The following FRMPD4 variants were observed in gnomAD, a reference collection of about 807,000 sequenced individuals.
FRMPD4 encodes FERM and PDZ domain containing 4.
FRMPD4 carries 22 observed loss-of-function variants against 94.1 expected under a neutral mutation model. The ratio of observed to expected loss-of-function variants is 0.23; its 90% CI spans 0.17 to 0.33. The LOEUF (loss-of-function observed/expected upper bound fraction) is 0.33. Ranked by LOEUF, FRMPD4 falls within the 10% of genes least tolerant of loss-of-function variation. The pLI, the probability that FRMPD4 is intolerant of heterozygous loss-of-function variation, is 1.00. For synonymous variants in FRMPD4, 631 were observed against 548.6 expected (o/e 1.15, Z -2.10); for missense variants, 1,111 against 1,339.9 (o/e 0.83, Z 2.67).
chrX:12,134,457 TTC>T (rs2055580098), upstream of FRMPD4, among the ~76,000 whole-genome samples: 1 of 112,240 alleles, frequency 8.9e-6, no homozygotes, highest in South Asian at 3.7e-4. Context: ...ATTTATTTAC[TTC>T]TGTTTTCAGG....
In FRMPD4 at chrX:12,295,087, C is replaced by T. The variant is rs186121485; in HGVS notation, c.41+156075C>T. On this transcript the variant is annotated intron_variant, in intron 1 of 16. Coordinates refer to ENST00000675598, the MANE Select transcript of FRMPD4 (RefSeq NM_001368397.1). Reference sequence around the variant, plus strand: ...ACTTTCTTATATCAATACCTCCTTTCCCTATAGGCAATCTATGAGACAAGC... The same window carrying T: ...ACTTTCTTATATCAATACCTCCTTTTCCTATAGGCAATCTATGAGACAAGC... Among the ~76,000 whole-genome samples the T allele has an allele frequency of 4.6e-3, 513 of 112,120 alleles. 2 individuals carry two copies. Among genetic ancestry groups the T allele is most frequent in the African/African-American group, 0.015 (478 of 30,868 alleles).
At chrX:12,653,208 A>G (rs1324351963) in intron 4 of FRMPD4, among the ~76,000 whole-genome samples, 2 of 112,193 alleles carry the variant, frequency 1.8e-5, no homozygotes, top group Admixed American at 9.5e-5. Flanking sequence ...TGCAGTAAAA[A>G]AAATGCGAGC....
chrX:12,311,813 GGTA>G (rs1232979663), intron 1 of FRMPD4, among the ~76,000 whole-genome samples: 1 of 109,286 alleles, frequency 9.2e-6, no homozygotes, highest in Non-Finnish European at 1.9e-5. Flanking sequence ...TTTTACTCTG[GGTA>G]CTTTAAAAAT....
At chrX:12,707,675 A>G in intron 13 of FRMPD4, 24 bp downstream of exon 13, 1 of 1,131,542 alleles carries the variant, frequency 8.8e-7, no homozygotes, top group Non-Finnish European at 1.2e-6. Flanking sequence ...GTGTTGACAC[A>G]TGGCCTTGCT....
At chrX:12,696,738 G>A (rs1050659731) in intron 9 of FRMPD4, among the ~76,000 whole-genome samples, 7 of 111,538 alleles carry the variant, frequency 6.3e-5, no homozygotes, top group Non-Finnish European at 1.3e-4. Context: ...TAATAACACT[G>A]GTGTTTGCTT....
chrX:12,461,727 T>C (rs1361650953), intron 1 of FRMPD4, among the ~76,000 whole-genome samples: 1 of 109,523 alleles, frequency 9.1e-6, no homozygotes, highest in African/African-American at 3.3e-5. Flanking sequence ...GGAGTGGGGG[T>C]TTCAAACCCA....
chrX:12,583,756 A>G (rs1458987910), intron 2 of FRMPD4, among the ~76,000 whole-genome samples: 1 of 112,731 alleles, frequency 8.9e-6, no homozygotes, highest in African/African-American at 3.2e-5. Flanking sequence ...CTGCAGGTTA[A>G]CTAGGGTTTC....
chrX:12,524,734 CCT>C (rs1207185733), intron 2 of FRMPD4, among the ~76,000 whole-genome samples: 1 of 111,310 alleles, frequency 9.0e-6, no homozygotes. Context: ...TTCTCTGCCT[CCT>C]CTTTTAGCCC....
intron 2 of FRMPD4, among the ~76,000 whole-genome samples, chrX:12,601,199 T>C (rs1005303100): frequency 8.9e-6 from 1 of 112,205 alleles, no homozygotes; most frequent in Non-Finnish European, 1.9e-5. Context: ...TAAATGCTCC[T>C]GACAGTGTTG....
chrX:12,403,991 T>C (rs1382126916), intron 1 of FRMPD4, among the ~76,000 whole-genome samples: 1 of 111,832 alleles, frequency 8.9e-6, no homozygotes, highest in Non-Finnish European at 1.9e-5. Flanking sequence ...TTTAGAGCTT[T>C]CATTATGAAT....
At chrX:12,584,243 T>C (rs1000648282) in intron 2 of FRMPD4, among the ~76,000 whole-genome samples, 27 of 112,281 alleles carry the variant, frequency 2.4e-4, no homozygotes, top group African/African-American at 8.7e-4. Context: ...TTTTTAAACA[T>C]AGTGTTTGGA....
intron 3 of FRMPD4, among the ~76,000 whole-genome samples, chrX:11,989,595 T>C (rs1046358815): frequency 1.9e-4 from 21 of 110,415 alleles, no homozygotes; most frequent in African/African-American, 6.9e-4. Context: ...ATGAGGTGAC[T>C]ATAGTCAGTA....
chrX:12,505,750 G>C (rs1245137166), intron 2 of FRMPD4, among the ~76,000 whole-genome samples: 40 of 68,699 alleles, frequency 5.8e-4, no homozygotes, highest in Non-Finnish European at 9.8e-4. Flanking sequence ...AAAAAAAAAA[G>C]GGGGGGAGAG....
At chrX:12,479,423 C>CGT (rs57692373) in intron 1 of FRMPD4, among the ~76,000 whole-genome samples, 21 of 25,888 alleles carry the variant, frequency 8.1e-4, no homozygotes, top group African/African-American at 1.7e-3. Flanking sequence ...TACATATATA[C>CGT]GTATATATAT....
intron 6 of FRMPD4, among the ~76,000 whole-genome samples, chrX:12,684,909 G>A (rs1204293624): frequency 8.9e-6 from 1 of 111,848 alleles, no homozygotes. Flanking sequence ...CCACAGCCCT[G>A]CCACAGGCTT....
chrX:11,989,770 A>G (rs1190444048), intron 3 of FRMPD4, among the ~76,000 whole-genome samples: 1 of 111,502 alleles, frequency 9.0e-6, no homozygotes, highest in East Asian at 2.8e-4. Flanking sequence ...ATATACACCT[A>G]TGTACCCACA....
intron 3 of FRMPD4, among the ~76,000 whole-genome samples, chrX:12,091,275 C>G (rs975398726): frequency 1.6e-4 from 18 of 111,546 alleles, no homozygotes; most frequent in African/African-American, 5.9e-4. Context: ...AAGCAGTCTG[C>G]CTCCAGATTC....
intron 1 of FRMPD4, among the ~76,000 whole-genome samples, chrX:11,850,443 T>C (rs1414835988): frequency 8.9e-6 from 1 of 112,205 alleles, no homozygotes; most frequent in African/African-American, 3.2e-5. Flanking sequence ...GCAAATCTAC[T>C]TCGGGGTTTA....
chrX:12,073,706 G>C (rs1470404643), intron 3 of FRMPD4, among the ~76,000 whole-genome samples: 1 of 112,183 alleles, frequency 8.9e-6, no homozygotes, highest in Non-Finnish European at 1.9e-5. Flanking sequence ...CCAATCTGAT[G>C]TGTGTGAAAA....
Sources: gnomAD v4.1 joint callset for allele counts (sites outside exome capture counted in the v4.1 genomes callset) on GRCh38, gnomAD v4.1.1 for gene constraint, MANE v1.5 for transcripts, NCBI Gene and HGNC (gene_info 2026-07-23, HGNC 2026-07-21) for gene names.